CRACDL: variants seen among roughly 807,000 people sequenced by gnomAD.
CRACDL encodes the protein CRACD-like protein.
A neutral mutation model predicts 70.6 loss-of-function variants in CRACDL; 26 were observed. The observed-to-expected ratio is 0.37, with a 90% CI of 0.27 to 0.51. The LOEUF is 0.51. CRACDL is among the 20% of genes least tolerant of loss of function. CRACDL has a pLI of 0.94. For synonymous variants in CRACDL, 618 were observed against 615.2 expected, an observed-to-expected ratio of 1.00 and a Z score of -0.07; for missense variants, 1,283 against 1,376.9, an observed-to-expected ratio of 0.93 and a Z score of 1.08.
intron 2 of CRACDL, among the ~76,000 whole-genome samples, chr2:98,844,395 C>T (rs903797138): frequency 1.3e-5 from 2 of 152,068 alleles, no homozygotes; most frequent in South Asian, 4.1e-4. Context: ...GATATTGATG[C>T]CTTCATGTGT....
At chr2:98,883,108 G>C (rs927991165) in intron 1 of CRACDL, among the ~76,000 whole-genome samples, 3 of 152,234 alleles carry the variant, frequency 2.0e-5, no homozygotes, top group African/African-American at 7.2e-5. Context: ...GACCCAGGTA[G>C]TGGCAGCAAG....
At chr2:98,871,644 A>G (rs1427092023) in intron 1 of CRACDL, among the ~76,000 whole-genome samples, 3 of 152,144 alleles carry the variant, frequency 2.0e-5, no homozygotes, top group Non-Finnish European at 4.4e-5. Context: ...TGCTCTAGTA[A>G]TTTCACTTCT....
At chr2:98,854,194 G>T (rs565104474) in intron 1 of CRACDL, among the ~76,000 whole-genome samples, 4 of 148,196 alleles carry the variant, frequency 2.7e-5, no homozygotes, top group African/African-American at 7.4e-5. Flanking sequence ...GGCGGGAGAA[G>T]TGCGTGAACC....
At chr2:98,804,052 A>G (rs1704191546) in intron 7 of CRACDL, among the ~76,000 whole-genome samples, 1 of 152,194 alleles carries the variant, frequency 6.6e-6, no homozygotes, top group Admixed American at 6.5e-5. Context: ...CTTGACTCAC[A>G]GGCTGCTCCT....
intron 1 of CRACDL, among the ~76,000 whole-genome samples, chr2:98,899,930 G>A (rs1330348442): frequency 1.4e-5 from 2 of 144,024 alleles, no homozygotes; most frequent in African/African-American, 2.7e-5. Flanking sequence ...ATGGACAGAG[G>A]CTCAGTAGGA....
At chr2:98,881,878 C>T (rs899861815) in intron 1 of CRACDL, among the ~76,000 whole-genome samples, 1 of 152,206 alleles carries the variant, frequency 6.6e-6, no homozygotes, top group Admixed American at 6.5e-5. Context: ...AGGCTTAAGG[C>T]AGCCCAGGAA....
chr2:98,910,756 A>C (rs550830775), intron 1 of CRACDL, among the ~76,000 whole-genome samples: 3 of 152,292 alleles, frequency 2.0e-5, no homozygotes, highest in Non-Finnish European at 1.5e-5. Context: ...GCCTAGCTCC[A>C]TTCACCTGCT....
chr2:98,885,919 TAA>T (rs5832860), intron 1 of CRACDL, among the ~76,000 whole-genome samples: 278 of 147,314 alleles, frequency 1.9e-3, no homozygotes, highest in African/African-American at 5.6e-3. Flanking sequence ...GAAAACTGGT[TAA>T]AAAAAAAAAA....
At chr2:98,831,799 G>C (rs143418428) in intron 5 of CRACDL, among the ~76,000 whole-genome samples, 12 of 152,254 alleles carry the variant, frequency 7.9e-5, no homozygotes, top group Middle Eastern at 3.4e-3. Context: ...GTTTGGGACT[G>C]GTTCCTCCAC....
At chr2:98,876,329 C>T (rs560016167) in intron 1 of CRACDL, among the ~76,000 whole-genome samples, 84 of 152,242 alleles carry the variant, frequency 5.5e-4, no homozygotes, top group African/African-American at 1.9e-3. Flanking sequence ...AGCATGAATG[C>T]TCTAGAGTGG....
intron 1 of CRACDL, among the ~76,000 whole-genome samples, chr2:98,864,005 A>C (rs75394294): frequency 0.03 from 4,497 of 152,266 alleles, 164 homozygotes; most frequent in South Asian, 0.17. Context: ...ACTGCACAAC[A>C]ATCTGAACGC....
At position 98,794,475 on chromosome 2, in the gene CRACDL, T is replaced by G; in HGVS notation, c.*57A>C. Reference sequence around the variant, plus strand: ...TTTGTTTGCCACAATACACTGGCAGTTTTTAACTAAGTGGCTTGTCAGGGT... The same window carrying G: ...TTTGTTTGCCACAATACACTGGCAGGTTTTAACTAAGTGGCTTGTCAGGGT... On this transcript the variant is annotated 3_prime_UTR_variant, in exon 10 of 10. Transcript: ENST00000397899. 6.5e-7 allele frequency: 1 copy of G among 1,530,412 alleles called. No homozygotes were observed. The highest frequency in any genetic ancestry group is 9.0e-7 in the Non-Finnish European group (1 of 1,110,778). The allele number at this position is 1,530,412 out of a possible 1,614,324, so 94.8% of individuals were successfully genotyped here.
At chr2:98,892,195 C>G (rs369684897) in intron 1 of CRACDL, among the ~76,000 whole-genome samples, 2 of 152,080 alleles carry the variant, frequency 1.3e-5, no homozygotes, top group Non-Finnish European at 2.9e-5. Context: ...GGAATCTATT[C>G]TACAGAAATA....
Position 98,823,670 on chromosome 2 carries a change from T to C in CRACDL, c.736-133A>G. On this transcript the variant is annotated intron_variant, in intron 6 of 9. Transcript: ENST00000397899. The surrounding 1 kb of genome is among the most constrained non-coding windows in gnomAD (Gnocchi z 4.0). ...TAAAGCTGGCACTTAAGTAGGCATGTACCCACGGGTGTCTTTTCTCAGTCT... is the reference window on the plus strand; with the variant it reads ...TAAAGCTGGCACTTAAGTAGGCATGCACCCACGGGTGTCTTTTCTCAGTCT... 1 of 1,093,066 alleles carries C rather than the reference T, an allele frequency of 9.1e-7. No individual in the cohort carries two copies. Among genetic ancestry groups the C allele is most frequent in the South Asian group, 1.4e-5 (1 of 72,292 alleles). The allele number at this position is 1,093,066 out of a possible 1,614,324, so 67.7% of individuals were successfully genotyped here. A position where few individuals can be genotyped will look rare whatever the true frequency, so the allele number is the denominator to read the frequency against.
chr2:98,859,314 CTAAT>C (rs1332126897), intron 1 of CRACDL, among the ~76,000 whole-genome samples: 1 of 152,070 alleles, frequency 6.6e-6, no homozygotes, highest in Non-Finnish European at 1.5e-5. Context: ...CACATGAAAA[CTAAT>C]TAATGCAAAA....
In CRACDL at chr2:98,850,948, T is replaced by C. The variant is rs72811094; in HGVS notation, c.-10-4138A>G. ...CATAAAGAATGAGAACAGATTTTAATATGGCATTTTAAAGGTTTCAATCCA... is the reference window on the plus strand; with the variant it reads ...CATAAAGAATGAGAACAGATTTTAACATGGCATTTTAAAGGTTTCAATCCA... On this transcript the variant is annotated intron_variant, in intron 1 of 9. Transcript: ENST00000397899. Among the ~76,000 whole-genome samples the C allele has an allele frequency of 7.3e-3, 1,107 of 152,334 alleles. 4 individuals are homozygous for C. Among genetic ancestry groups the C allele is most frequent in the Admixed American group, 0.015 (223 of 15,298 alleles).
rs568414760 is a variant in CRACDL, at chr2:98,810,212, T to A, written c.2416+11645A>T. On this transcript the variant is annotated intron_variant, in intron 7 of 9. Coordinates refer to ENST00000397899, the MANE Select transcript of CRACDL (RefSeq NM_207362.3). ...GGGGTCGAGTGAAGTACGCTCAATA[T>A]GGGCAGGGGTGTGTACAGAGTGCCA... Among the ~76,000 whole-genome samples, 6 of 152,170 alleles carry A rather than the reference T, an allele frequency of 3.9e-5. No individual in the cohort carries two copies. In the East Asian group the frequency reaches 1.2e-3, roughly 29 times the overall value.
intron 1 of CRACDL, among the ~76,000 whole-genome samples, chr2:98,911,514 T>C (rs762327644): frequency 6.6e-5 from 10 of 152,142 alleles, no homozygotes; most frequent in African/African-American, 1.7e-4. Flanking sequence ...CCAGGCCCAG[T>C]TGTCATCCAA....
intron 7 of CRACDL, among the ~76,000 whole-genome samples, chr2:98,808,298 A>G (rs567939951): frequency 6.6e-6 from 1 of 152,278 alleles, no homozygotes; most frequent in Admixed American, 6.5e-5. Flanking sequence ...CACACATTAG[A>G]ACCACCTGGG....
Sources: gnomAD v4.1 joint callset for allele counts (sites outside exome capture counted in the v4.1 genomes callset) on GRCh38, gnomAD v4.1.1 for gene constraint, Gnocchi (gnomAD v3.1) non-coding constraint, MANE v1.5 for transcripts, NCBI Gene and HGNC (gene_info 2026-07-23, HGNC 2026-07-21) for gene names.